CNNM3: variants seen among roughly 807,000 people sequenced by gnomAD.
CNNM3 encodes the protein metal transporter CNNM3.
In CNNM3, 47 loss-of-function variants were observed where a neutral mutation model predicts 57.1. The ratio of observed to expected loss-of-function variants is 0.82; its 90% CI spans 0.65 to 1.05. CNNM3 has a LOEUF of 1.05. CNNM3 is among the 50% of genes least tolerant of loss of function. CNNM3 has a pLI of 0.00. For synonymous variants in CNNM3, 507 were observed against 478.2 expected (o/e 1.06, Z -0.79); for missense variants, 957 against 973.7 (o/e 0.98, Z 0.23).
intron 1 of CNNM3, among the ~76,000 whole-genome samples, chr2:96,821,379 A>G (rs1023743700): frequency 6.6e-6 from 1 of 152,140 alleles, no homozygotes; most frequent in African/African-American, 2.4e-5. Flanking sequence ...CTCTCTGCCA[A>G]GCTAATGAGC....
rs770779402 is a variant in CNNM3, at chr2:96,825,065, C to T, written c.1233C>T (p.Ser411=). 4.3e-6 allele frequency: 7 copies of T among 1,612,626 alleles called. No individual in the cohort carries two copies. The highest frequency in any genetic ancestry group is 5.9e-6 in the Non-Finnish European group (7 of 1,179,992). Residue 411 remains serine, a synonymous_variant, in exon 2 of 8, where the codon TCC becomes TCT. Transcript: ENST00000305510. ...AVLEEFKRGK[S]HLAIVQKVNN... ...AGTGTCCTCCCCCCACAGGGAAGTC[C>T]CACCTGGCCATCGTGCAGAAGGTGA...
chr2:96,825,278 G>C (rs951284329), intron 2 of CNNM3, 77 bp downstream of exon 2: 4 of 1,521,140 alleles, frequency 2.6e-6, no homozygotes, highest in Non-Finnish European at 3.6e-6. Flanking sequence ...TCAGAGGCCA[G>C]TGGGCCTCTG....
chr2:96,816,470 C>T lies in CNNM3; in HGVS notation c.193C>T (p.Arg65Cys). ...CACGCCGGACGCCACCTTCCTCCTG[C>T]GCCTCTTCGGCCCGGGCTTCGCCAA... ...RDTPDATFLL[R>C]LFGPGFANSS... The change falls in exon 1 of 8, where the codon CGC (arginine) becomes TGC (cysteine). Residue 65 changes from arginine (R) to cysteine (C), a missense_variant. Arg to Cys is a radical substitution (Grantham distance 180, BLOSUM62 -3). This residue lies in a region of CNNM3 where 466 missense variants were observed against 403.1 expected (regional missense o/e 1.16). Coordinates refer to ENST00000305510, the MANE Select transcript of CNNM3 (RefSeq NM_017623.5). The T allele has an allele frequency of 6.9e-7, 1 of 1,457,110 alleles. No homozygotes were observed. Among genetic ancestry groups the T allele is most frequent in the South Asian group, 1.4e-5 (1 of 74,020 alleles). 90.3% of individuals were successfully genotyped at this position (1,457,110 alleles called of 1,614,324 possible).
Position 96,835,294 on chromosome 2 carries a change from C to T in CNNM3, c.*2678C>T, listed in dbSNP as rs1027998359. Among the ~76,000 whole-genome samples the T allele has an allele frequency of 3.3e-5, 5 of 152,048 alleles. No individual in the cohort carries two copies. Among genetic ancestry groups the T allele is most frequent in the South Asian group, 2.1e-4 (1 of 4,816 alleles). ...TCCTTTTTATTGCTGAGTGGTATTC[C>T]GTGGTGTATGCATTGGCCCCCTGAA... On this transcript the variant is annotated 3_prime_UTR_variant, in exon 8 of 8. Transcript: ENST00000305510.
chr2:96,823,644 T>G (rs2153354352), intron 1 of CNNM3, among the ~76,000 whole-genome samples: 1 of 152,340 alleles, frequency 6.6e-6, no homozygotes, highest in South Asian at 2.1e-4. Context: ...TGTGCTTTAT[T>G]TAATCAAGCC....
Position 96,826,828 on chromosome 2 carries a change from C to G in CNNM3, c.1370-5C>G. 6.2e-7 allele frequency: 1 copy of G among 1,614,122 alleles called. No homozygotes were observed. Among genetic ancestry groups the G allele is most frequent in the Non-Finnish European group, 8.5e-7 (1 of 1,180,000 alleles). ...GCCTGAGCGCGCCCTCTTCTTCCAT[C>G]TTAGGAGACACCGTGGTGAAGAGGA... On this transcript the variant is annotated splice_region_variant and splice_polypyrimidine_tract_variant and intron_variant, in intron 2 of 7. Coordinates refer to ENST00000305510, the MANE Select transcript of CNNM3 (RefSeq NM_017623.5).
chr2:96,826,670 C>T (rs531586481), intron 2 of CNNM3, among the ~76,000 whole-genome samples, 163 bp from the exon 3 acceptor site: 13 of 152,338 alleles, frequency 8.5e-5, no homozygotes, highest in East Asian at 1.9e-4. Flanking sequence ...GAGCAGGCCC[C>T]GTGGAGGGAG....
rs756037431 is a variant in CNNM3, at chr2:96,826,848, A to G, written c.1385A>G (p.Lys462Arg). The change falls in exon 3 of 8, where the codon AAG (lysine) becomes AGG (arginine). Residue 462 changes from lysine (K) to arginine (R), a missense_variant. Lys to Arg is a conservative substitution (Grantham distance 26). Coordinates refer to ENST00000305510, the MANE Select transcript of CNNM3 (RefSeq NM_017623.5). ...TCCATCTTAGGAGACACCGTGGTGA[A>G]GAGGAAGCCTGCTTCTCTGATGGCC... ...ESEDYRDTVV[K>R]RKPASLMAPL... The G allele has an allele frequency of 3.1e-6, 5 of 1,614,236 alleles. No individual in the cohort carries two copies. In the South Asian group the frequency reaches 4.4e-5, roughly 14 times the overall value.
rs1452679654 is a variant in CNNM3, at chr2:96,832,748, G to A, written c.*132G>A. On this transcript the variant is annotated 3_prime_UTR_variant, in exon 8 of 8. Coordinates refer to ENST00000305510, the MANE Select transcript of CNNM3 (RefSeq NM_017623.5). ...CGTTTTAGATGGCCCTTGTAGTTGC[G>A]GGTCCTGGGTGTCCTCAGAACTAGA... is the stretch of plus-strand genomic sequence containing the variant. 28 of 1,534,794 alleles carry A rather than the reference G, an allele frequency of 1.8e-5. No individual in the cohort carries two copies. Among genetic ancestry groups the A allele is most frequent in the African/African-American group, 2.7e-5 (2 of 73,152 alleles).
Position 96,824,878 on chromosome 2 carries a change from A to G in CNNM3, c.1226-180A>G, listed in dbSNP as rs977521968. On this transcript the variant is annotated intron_variant, in intron 1 of 7. Transcript: ENST00000305510. ...TTTCAACCTGTGTGAAAATAAGGCCAGTTCTCATAATCACGCTGGGAGTCT... is the reference window on the plus strand; with the variant it reads ...TTTCAACCTGTGTGAAAATAAGGCCGGTTCTCATAATCACGCTGGGAGTCT... 3 of 657,444 alleles carry G rather than the reference A, an allele frequency of 4.6e-6. No individual in the cohort carries two copies. The African/African-American group carries it at 5.5e-5, about 12-fold the overall frequency. 40.7% of individuals were successfully genotyped at this position (657,444 alleles called of 1,614,324 possible). A position where few individuals can be genotyped will look rare whatever the true frequency, so the allele number is the denominator to read the frequency against.
chr2:96,816,873 T>G lies in CNNM3; in HGVS notation c.596T>G (p.Leu199Arg), dbSNP rs1044869129. The G allele has an allele frequency of 9.1e-7, 1 of 1,094,194 alleles. No homozygotes were observed. Among genetic ancestry groups the G allele is most frequent in the African/African-American group, 1.7e-5 (1 of 59,218 alleles). 67.8% of individuals were successfully genotyped at this position (1,094,194 alleles called of 1,614,324 possible). A position where few individuals can be genotyped will look rare whatever the true frequency, so the allele number is the denominator to read the frequency against. Residue 199 changes from leucine (L) to arginine (R), a missense_variant, in exon 1 of 8, where the codon CTG becomes CGG. Physicochemically the swap from Leu to Arg is moderately radical, Grantham distance 102 (BLOSUM62 -2). Transcript: ENST00000305510. ...GCCGGCTGCGCCTTGGGCGCGCTGCTGCTGCTGGCCAGCCTGGCGCAGGCG... is the reference window on the plus strand; with the variant it reads ...GCCGGCTGCGCCTTGGGCGCGCTGCGGCTGCTGGCCAGCCTGGCGCAGGCG... Reference protein sequence around the residue: ...RWAGCALGALLLLASLAQAAL... With the variant: ...RWAGCALGALRLLASLAQAAL...
At chr2:96,829,531 C>T (rs2079566789) in intron 7 of CNNM3, among the ~76,000 whole-genome samples, 1 of 151,506 alleles carries the variant, frequency 6.6e-6, no homozygotes, top group African/African-American at 2.4e-5. Context: ...GAACTCCTGA[C>T]CTCAGATGAT....
chr2:96,830,556 T>TGGGCCATGTGGATGCTTC (rs2079584874), intron 7 of CNNM3, among the ~76,000 whole-genome samples: 1 of 152,228 alleles, frequency 6.6e-6, no homozygotes. Flanking sequence ...AATCCCACCC[T>TGGGCCATGTGGATGCTTC]GGGCCATGTG....
chr2:96,822,879 G>A (rs1435477616), intron 1 of CNNM3, among the ~76,000 whole-genome samples: 1 of 150,864 alleles, frequency 6.6e-6, no homozygotes. Flanking sequence ...CCTGGAGCCT[G>A]CTAACTAAAA....
Position 96,826,813 on chromosome 2 carries a change from G to A in CNNM3, c.1370-20G>A, listed in dbSNP as rs755752816. The A allele has an allele frequency of 1.2e-5, 19 of 1,613,504 alleles. No individual in the cohort carries two copies. The highest frequency in any genetic ancestry group is 2.2e-5 in the East Asian group (1 of 44,878). On this transcript the variant is annotated intron_variant, in intron 2 of 7. Transcript: ENST00000305510. ...TGACAGGTGGCTGATGCCTGAGCGC[G>A]CCCTCTTCTTCCATCTTAGGAGACA...
Position 96,828,554 on chromosome 2 carries a change from G to C in CNNM3, c.1787-13G>C, listed in dbSNP as rs772032444. The C allele has an allele frequency of 1.2e-6, 2 of 1,614,114 alleles. No individual in the cohort carries two copies. Among genetic ancestry groups the C allele is most frequent in the Non-Finnish European group, 8.5e-7 (1 of 1,179,988 alleles). On this transcript the variant is annotated splice_polypyrimidine_tract_variant and intron_variant, in intron 5 of 7. Transcript: ENST00000305510. Reference sequence around the variant, plus strand: ...AGCATGGCTCCTGCCATCACTGATTGTTCCTTTGATAGTTCACCAGTCCCC... The same window carrying C: ...AGCATGGCTCCTGCCATCACTGATTCTTCCTTTGATAGTTCACCAGTCCCC...
In CNNM3 at chr2:96,827,895, C is replaced by T. The variant is rs149545001; in HGVS notation, c.1684C>T (p.Leu562=). 3.3e-5 allele frequency: 53 copies of T among 1,610,508 alleles called. No homozygotes were observed. The highest frequency in any genetic ancestry group is 4.1e-5 in the Non-Finnish European group (48 of 1,177,420). Residue 562 remains leucine, a synonymous_variant, in exon 4 of 8, where the codon CTG becomes TTG. Transcript: ENST00000305510. ...GCCGGTGGATTACTTCATTCTCATC[C>T]TGCAGGTAGCTGTGGGTCCCAGGCC... ...SQPVDYFILI[L]QGRVEVEIGK...
rs955641564 is a variant in CNNM3 at position 96,817,063 on chromosome 2, C to T, written c.786C>T (p.Ala262=). The change falls in exon 1 of 8, where the codon GCC becomes GCT. Residue 262 remains alanine (A), a synonymous_variant. Transcript: ENST00000305510. ...APRALGLSRL[A]VLLTLPVALP... is the part of the protein sequence containing the mutation. ...GAGCGCTCGGCCTCAGCCGCCTGGC[C>T]GTCCTGCTCACTCTGCCCGTCGCGC... The T allele has an allele frequency of 4.6e-5, 62 of 1,354,704 alleles. No homozygotes were observed. Among genetic ancestry groups the T allele is most frequent in the Non-Finnish European group, 5.6e-5 (59 of 1,055,598 alleles). 83.9% of individuals were successfully genotyped at this position (1,354,704 alleles called of 1,614,324 possible).
chr2:96,829,247 T>C, intron 7 of CNNM3, 113 bp downstream of exon 7: 1 of 1,349,976 alleles, frequency 7.4e-7, no homozygotes, highest in Non-Finnish European at 9.6e-7. Context: ...TTCTCTCTTT[T>C]CTCCCCATCC....
Sources: allele counts gnomAD v4.1 joint callset (sites outside exome capture counted in the v4.1 genomes callset), GRCh38; gene constraint gnomAD v4.1.1; regional missense constraint gnomAD v4.1.1; transcripts MANE v1.5; gene names NCBI Gene and HGNC (gene_info 2026-07-23, HGNC 2026-07-21).